MYPN: variants seen among roughly 807,000 people sequenced by gnomAD.
MYPN encodes the protein sarcomeric protein myopalladin, 145 kDa (MYOP).
Under a neutral mutation model 129.4 loss-of-function variants are expected in MYPN, and 63 were observed. The observed-to-expected ratio is 0.49, with a 90% confidence interval of 0.40 to 0.60. MYPN has a LOEUF of 0.60. Among genes scored for constraint, MYPN ranks in the 20% least tolerant of loss-of-function variants. MYPN has a pLI of 0.00. For missense variants in MYPN, 1,596 were observed against 1,635.4 expected (o/e 0.98, Z 0.42); for synonymous variants, 629 against 600.9 (o/e 1.05, Z -0.68).
rs778008845 is a variant in MYPN at position 68,194,430 on chromosome 10, G to A, written c.2993G>A (p.Gly998Glu). 1.1e-5 allele frequency: 18 copies of A among 1,613,772 alleles called. No individual in the cohort carries two copies. The highest frequency in any genetic ancestry group is 4.5e-5 in the East Asian group (2 of 44,860). ...GAGCACTGCAAAATGAGGCGAGAAG[G>A]AGATGGGACATGCTCTCTGCACATT... ...RNEHCKMRREGDGTCSLHIES... is the reference protein window; with the variant it reads ...RNEHCKMRREEDGTCSLHIES... Residue 998 changes from glycine (G) to glutamate (E), a missense_variant, in exon 14 of 20, where the codon GGA (glycine) becomes GAA (glutamate). Coordinates refer to ENST00000358913, the MANE Select transcript of MYPN (RefSeq NM_032578.4).
intron 1 of MYPN, chr10:68,114,393 G>A (rs947081451): frequency 2.0e-5 from 3 of 148,622 alleles, no homozygotes; most frequent in African/African-American, 7.5e-5. Context: ...CCAGACTGGA[G>A]TGTGGAATGC....
intron 12 of MYPN, among the ~76,000 whole-genome samples, chr10:68,180,745 T>C (rs1433003101): frequency 6.6e-6 from 1 of 152,174 alleles, no homozygotes; most frequent in Non-Finnish European, 1.5e-5. Context: ...TCATGGCCCA[T>C]ACCTCAGCAG....
intron 2 of MYPN, among the ~76,000 whole-genome samples, chr10:68,132,154 T>G (rs1051948957): frequency 1.3e-5 from 2 of 152,226 alleles, no homozygotes; most frequent in African/African-American, 4.8e-5. Flanking sequence ...TGTAGGATTT[T>G]GTTGTAAGTT....
At chr10:68,133,879 C>G (rs2042447159) in intron 2 of MYPN, among the ~76,000 whole-genome samples, 1 of 151,488 alleles carries the variant, frequency 6.6e-6, no homozygotes, top group Non-Finnish European at 1.5e-5. Flanking sequence ...ACATGCCTAC[C>G]TGAAATTACA....
chr10:68,171,391 C>T (rs1417318883), intron 10 of MYPN, among the ~76,000 whole-genome samples: 1 of 152,106 alleles, frequency 6.6e-6, no homozygotes, highest in Non-Finnish European at 1.5e-5. Flanking sequence ...TTGTGGTTGG[C>T]AGACCCGCTG....
chr10:68,107,650 C>T (rs938488889), upstream of MYPN, among the ~76,000 whole-genome samples: 17 of 152,104 alleles, frequency 1.1e-4, no homozygotes, highest in African/African-American at 3.1e-4. Flanking sequence ...CGCGCCCGGC[C>T]GGCTTCTTTT....
intron 6 of MYPN, among the ~76,000 whole-genome samples, chr10:68,152,385 T>G (rs2042786489): frequency 6.6e-6 from 1 of 151,960 alleles, no homozygotes; most frequent in African/African-American, 2.4e-5. Context: ...TCCATTCAGA[T>G]GGTAGGGGGC....
intron 2 of MYPN, among the ~76,000 whole-genome samples, chr10:68,130,675 G>A (rs1015903367): frequency 2.6e-5 from 4 of 151,714 alleles, no homozygotes; most frequent in African/African-American, 9.7e-5. Flanking sequence ...GGTTTTTGTA[G>A]TTCGCATCTA....
chr10:68,088,817 A>G (rs2133931082), intron 1 of MYPN, among the ~76,000 whole-genome samples: 1 of 152,312 alleles, frequency 6.6e-6, no homozygotes, highest in South Asian at 2.1e-4. Context: ...TGGATTTTAG[A>G]AAATTTACAG....
At chr10:68,196,346 G>A (rs1226596199) in intron 15 of MYPN, among the ~76,000 whole-genome samples, 3 of 152,014 alleles carry the variant, frequency 2.0e-5, no homozygotes, top group Non-Finnish European at 2.9e-5. Flanking sequence ...TGAATCTTAC[G>A]GTGCCACGAA....
At chr10:68,207,112 G>C (rs1432452914) in intron 19 of MYPN, among the ~76,000 whole-genome samples, 2 of 152,028 alleles carry the variant, frequency 1.3e-5, no homozygotes, top group Non-Finnish European at 2.9e-5. Context: ...ACAAAAATTA[G>C]CCAGGCATGG....
At chr10:68,187,501 T>C (rs2043441215) in intron 12 of MYPN, among the ~76,000 whole-genome samples, 1 of 152,210 alleles carries the variant, frequency 6.6e-6, no homozygotes, top group Non-Finnish European at 1.5e-5. Context: ...ATTGGTTTAA[T>C]CACTCAACCA....
At chr10:68,177,641 AG>A (rs1289437157) in intron 12 of MYPN, among the ~76,000 whole-genome samples, 1 of 152,234 alleles carries the variant, frequency 6.6e-6, no homozygotes, top group African/African-American at 2.4e-5. Flanking sequence ...GAAGTTAAGA[AG>A]AAAGTCAGCT....
chr10:68,179,417 G>C (rs943857371), intron 12 of MYPN, among the ~76,000 whole-genome samples: 9 of 152,180 alleles, frequency 5.9e-5, no homozygotes, highest in African/African-American at 2.2e-4. Context: ...GTTCATTGCT[G>C]CATCCCTGTT....
chr10:68,141,051 A>G (rs2042568741), intron 2 of MYPN, among the ~76,000 whole-genome samples: 1 of 151,746 alleles, frequency 6.6e-6, no homozygotes, highest in Admixed American at 6.6e-5. Context: ...CCAGGGCAAC[A>G]GAGTGAGACC....
At chr10:68,107,592 C>G (rs556186381), upstream of MYPN, among the ~76,000 whole-genome samples, 2 of 151,902 alleles carry the variant, frequency 1.3e-5, no homozygotes, top group South Asian at 4.2e-4. Context: ...CTCAGGCGAT[C>G]CGCCTGCCTC....
intron 4 of MYPN, among the ~76,000 whole-genome samples, 176 bp downstream of exon 4, chr10:68,145,702 A>T (rs1379650595): frequency 6.6e-6 from 1 of 152,248 alleles, no homozygotes; most frequent in Non-Finnish European, 1.5e-5. Context: ...AGAAGACCCT[A>T]CTTTTGCTTA....
At chr10:68,109,379 T>C (rs2042050506), upstream of MYPN, 1 of 370,814 alleles carries the variant, frequency 2.7e-6, no homozygotes, top group African/African-American at 2.1e-5. Context: ...CCCACCCCCA[T>C]AGGTGCTGTC....
chr10:68,145,677 A>C, intron 4 of MYPN, 151 bp downstream of exon 4: 1 of 693,532 alleles, frequency 1.4e-6, no homozygotes. Flanking sequence ...AAACAAACAA[A>C]TTGAGTGGAT....
Sources: gnomAD v4.1 joint callset for allele counts (sites outside exome capture counted in the v4.1 genomes callset) on GRCh38, gnomAD v4.1.1 for gene constraint, MANE v1.5 for transcripts, NCBI Gene and HGNC (gene_info 2026-07-23, HGNC 2026-07-21) for gene names.